The following FIGN variants were observed in gnomAD, a reference collection of about 807,000 sequenced individuals.
FIGN encodes the protein fidgetin.
A neutral mutation model predicts 51.3 loss-of-function variants in FIGN; 11 were observed. The observed-to-expected ratio is 0.21, with a 90% CI of 0.13 to 0.35. FIGN has a LOEUF of 0.35. Among genes scored for constraint, FIGN ranks in the 10% least tolerant of loss-of-function variants. FIGN has a pLI of 1.00. For synonymous variants in FIGN, 407 were observed against 363.2 expected, an observed-to-expected ratio of 1.12 and a Z score of -1.37; for missense variants, 857 against 943.6, an observed-to-expected ratio of 0.91 and a Z score of 1.20.
intron 2 of FIGN, among the ~76,000 whole-genome samples, chr2:163,668,798 G>A (rs905344720): frequency 1.3e-4 from 20 of 151,660 alleles, no homozygotes; most frequent in Admixed American, 3.3e-4. Context: ...AAAATTAGCC[G>A]GGCGTGGTGG....
intron 2 of FIGN, chr2:163,612,392 G>T: frequency 1.0e-6 from 1 of 985,312 alleles, no homozygotes; most frequent in Non-Finnish European, 1.2e-6. Context: ...AGAACAATAT[G>T]ACACAGACAT....
chr2:163,709,714 T>C (rs1684558218), intron 2 of FIGN, among the ~76,000 whole-genome samples: 1 of 152,058 alleles, frequency 6.6e-6, no homozygotes, highest in Admixed American at 6.6e-5. Flanking sequence ...CCAGCCCCTA[T>C]AACAAGGTAA....
At chr2:163,695,490 A>T (rs1353321510) in intron 2 of FIGN, among the ~76,000 whole-genome samples, 1 of 152,136 alleles carries the variant, frequency 6.6e-6, no homozygotes, top group Non-Finnish European at 1.5e-5. Context: ...GATTCCTTAG[A>T]GCTTGTCATT....
chr2:163,638,162 G>A (rs1321352726), intron 2 of FIGN, among the ~76,000 whole-genome samples: 3 of 151,970 alleles, frequency 2.0e-5, no homozygotes, highest in East Asian at 1.9e-4. Flanking sequence ...GCTTTGAAAC[G>A]GAATCCTGCC....
In FIGN at chr2:163,641,986, A is replaced by G. The variant is rs1573921285; in HGVS notation, c.26-30180T>C. Among the ~76,000 whole-genome samples, 3 of 152,336 alleles carry G rather than the reference A, an allele frequency of 2.0e-5. No homozygotes were observed. The Middle Eastern group carries it at 0.01, about 518-fold the overall frequency. On this transcript the variant is annotated intron_variant, in intron 2 of 2. Coordinates refer to ENST00000333129, the MANE Select transcript of FIGN (RefSeq NM_018086.4). ...ATTAGGATGTATTTCACTAATAAAG[A>G]ATACTGTCAAACTGTCTTATTAATC...
At chr2:163,732,286 G>C (rs1684943142) in intron 2 of FIGN, among the ~76,000 whole-genome samples, 1 of 152,136 alleles carries the variant, frequency 6.6e-6, no homozygotes, top group East Asian at 1.9e-4. Flanking sequence ...AAACAATAGA[G>C]ACGATGTGTA....
chr2:163,675,368 C>T (rs1683940307), intron 2 of FIGN, among the ~76,000 whole-genome samples: 1 of 152,220 alleles, frequency 6.6e-6, no homozygotes, highest in Admixed American at 6.5e-5. Context: ...GCCCTAACTA[C>T]TCAGAATCTA....
intron 2 of FIGN, among the ~76,000 whole-genome samples, chr2:163,674,936 C>T (rs114518643): frequency 6.6e-6 from 1 of 152,190 alleles, no homozygotes; most frequent in African/African-American, 2.4e-5. Flanking sequence ...GAACTTGAAC[C>T]TTTGATTAGA....
In FIGN at chr2:163,610,561, G is replaced by C; in HGVS notation, c.1271C>G (p.Ser424Trp). Residue 424 changes from serine to tryptophan, a missense_variant, in exon 3 of 3, where the codon TCG becomes TGG. Physicochemically the swap from Ser to Trp is radical, Grantham distance 177. Transcript: ENST00000333129. Reference protein sequence around the residue: ...RSSESFGKYTSPVMSEHGDEH... With the variant: ...RSSESFGKYTWPVMSEHGDEH... ...GTCCCCATGCTCACTCATTACTGGCGATGTGTACTTCCCAAAGGATTCACT... is the reference window on the plus strand; with the variant it reads ...GTCCCCATGCTCACTCATTACTGGCCATGTGTACTTCCCAAAGGATTCACT... The C allele has an allele frequency of 6.2e-7, 1 of 1,614,164 alleles. No homozygotes were observed. The highest frequency in any genetic ancestry group is 1.1e-5 in the South Asian group (1 of 91,084).
chr2:163,663,325 TTTTG>T (rs374753641), intron 2 of FIGN, among the ~76,000 whole-genome samples: 2 of 151,624 alleles, frequency 1.3e-5, no homozygotes, highest in East Asian at 2.0e-4. Context: ...GTCAGGTTGT[TTTTG>T]TTTGTTTGTT....
At chr2:163,735,544 A>C (rs1160741108) in intron 1 of FIGN, among the ~76,000 whole-genome samples, 1 of 152,212 alleles carries the variant, frequency 6.6e-6, no homozygotes, top group Non-Finnish European at 1.5e-5. Flanking sequence ...AGTAATAAGT[A>C]AGCCCAATAT....
rs550418265 is a variant in FIGN at position 163,604,757 on chromosome 2, C to T, written c.*4795G>A. On this transcript the variant is annotated 3_prime_UTR_variant, in exon 3 of 3. Transcript: ENST00000333129. ...GTGTATATAATCCACAGTGGAAACT[C>T]ATACACACACACACCCACATACAAG... 1 of 151,122 alleles carries T rather than the reference C, an allele frequency of 6.6e-6. No individual in the cohort carries two copies. The highest frequency in any genetic ancestry group is 2.1e-4 in the South Asian group (1 of 4,774). 9.4% of individuals were successfully genotyped at this position (151,122 alleles called of 1,614,324 possible).
At chr2:163,617,370 A>G (rs1317675636) in intron 2 of FIGN, 10 of 322,620 alleles carry the variant, frequency 3.1e-5, no homozygotes, top group South Asian at 1.2e-4. Flanking sequence ...TTGTGGTTCA[A>G]TGCTAAAAAG....
intron 2 of FIGN, among the ~76,000 whole-genome samples, chr2:163,674,762 T>C (rs961018594): frequency 6.6e-6 from 1 of 152,202 alleles, no homozygotes; most frequent in Non-Finnish European, 1.5e-5. Flanking sequence ...TAGTGCCTTC[T>C]TCCTCCAAAG....
chr2:163,683,602 A>C (rs1434927806), intron 2 of FIGN, among the ~76,000 whole-genome samples: 5 of 152,188 alleles, frequency 3.3e-5, no homozygotes, highest in Admixed American at 2.6e-4. Flanking sequence ...GGTACTACAG[A>C]TAGATATGGG....
intron 2 of FIGN, among the ~76,000 whole-genome samples, chr2:163,717,182 G>A (rs1684679916): frequency 6.6e-6 from 1 of 152,148 alleles, no homozygotes; most frequent in African/African-American, 2.4e-5. Flanking sequence ...TCCAAAGACT[G>A]ACTGATATGG....
intron 2 of FIGN, among the ~76,000 whole-genome samples, chr2:163,698,522 G>C (rs1284853358): frequency 6.6e-6 from 1 of 152,004 alleles, no homozygotes; most frequent in Non-Finnish European, 1.5e-5. Context: ...TACAAAACAA[G>C]GATGAAGGGA....
At chr2:163,692,348 T>G (rs968391727) in intron 2 of FIGN, among the ~76,000 whole-genome samples, 2 of 152,204 alleles carry the variant, frequency 1.3e-5, no homozygotes, top group African/African-American at 4.8e-5. Flanking sequence ...GCTAGGCTCC[T>G]AAGTAAGGTG....
Position 163,689,173 on chromosome 2 carries a change from A to AACACACACACACACACACACAC in FIGN, c.25+45708_25+45729dup, listed in dbSNP as rs58519537. Among the ~76,000 whole-genome samples the AACACACACACACACACACACAC allele has an allele frequency of 2.2e-3, 317 of 144,756 alleles. 2 individuals are homozygous for AACACACACACACACACACACAC. The highest frequency in any genetic ancestry group is 4.3e-3 in the Admixed American group (61 of 14,300). 95.0% of individuals were successfully genotyped at this position (144,756 alleles called of 152,430 possible). A position where few individuals can be genotyped will look rare whatever the true frequency, so the allele number is the denominator to read the frequency against. ...AGACCTTATCTCAAAAACAAAAATGAACACACACACACACACACACACAGA... is the reference window on the plus strand; with the variant it reads ...AGACCTTATCTCAAAAACAAAAATGAACACACACACACACACACACACACACACACACACACACACACACAGA... On this transcript the variant is annotated intron_variant, in intron 2 of 2. Coordinates refer to ENST00000333129, the MANE Select transcript of FIGN (RefSeq NM_018086.4).
Sources: gnomAD v4.1 joint callset for allele counts (sites outside exome capture counted in the v4.1 genomes callset) on GRCh38, gnomAD v4.1.1 for gene constraint, MANE v1.5 for transcripts, NCBI Gene and HGNC (gene_info 2026-07-23, HGNC 2026-07-21) for gene names.